Variants in STK33 observed in about 807,000 individuals in gnomAD.
The protein encoded by STK33 is serine/threonine-protein kinase 33.
STK33 carries 52 observed loss-of-function variants against 58.0 expected under a neutral mutation model. That is an observed-to-expected ratio of 0.90 (90% CI 0.72 to 1.13). The LOEUF is 1.13. Among genes scored for constraint, STK33 ranks in the 50% most tolerant of loss-of-function variants. The pLI, the probability that STK33 is intolerant of heterozygous loss-of-function variation, is 0.00. For missense variants in STK33, 630 were observed against 604.2 expected, an observed-to-expected ratio of 1.04 and a Z score of -0.45; for synonymous variants, 215 against 200.1, an observed-to-expected ratio of 1.07 and a Z score of -0.63.
chr11:8,561,554 TG>T (rs1345390722), intron 1 of STK33, among the ~76,000 whole-genome samples: 1 of 152,230 alleles, frequency 6.6e-6, no homozygotes, highest in East Asian at 1.9e-4. Context: ...CTGTGTTCTT[TG>T]AATCTGCAGA....
chr11:8,426,029 A>G (rs1942692818), intron 14 of STK33, among the ~76,000 whole-genome samples: 1 of 152,182 alleles, frequency 6.6e-6, no homozygotes, highest in South Asian at 2.1e-4. Context: ...TGTGTTAGTC[A>G]GCTCAATTAG....
intron 1 of STK33, among the ~76,000 whole-genome samples, chr11:8,516,703 C>T (rs558628521): frequency 2.0e-5 from 3 of 152,330 alleles, no homozygotes; most frequent in East Asian, 1.9e-4. Flanking sequence ...CCTGGCTTGG[C>T]GGGTCTCACA....
chr11:8,424,439 C>T (rs1166855453), intron 14 of STK33, among the ~76,000 whole-genome samples: 2 of 151,062 alleles, frequency 1.3e-5, no homozygotes, highest in South Asian at 2.1e-4. Context: ...AATAGTGCCA[C>T]AATAAACATA....
chr11:8,506,414 T>C (rs1951865746), intron 1 of STK33, among the ~76,000 whole-genome samples: 1 of 152,170 alleles, frequency 6.6e-6, no homozygotes, highest in Non-Finnish European at 1.5e-5. Flanking sequence ...GCTTAAACAA[T>C]ACAAATTCAG....
chr11:8,406,791 T>C (rs996382380), intron 15 of STK33, among the ~76,000 whole-genome samples: 4 of 152,142 alleles, frequency 2.6e-5, no homozygotes, highest in Non-Finnish European at 5.9e-5. Flanking sequence ...GTAAAGACAG[T>C]TTTATTCTTC....
Position 8,435,541 on chromosome 11 carries a change from C to A in STK33, c.1099G>T (p.Ala367Ser). Residue 367 changes from alanine to serine, a missense_variant, in exon 14 of 16, where the codon GCT becomes TCT. Ala to Ser is a moderately conservative substitution (Grantham distance 99). Coordinates refer to ENST00000687296, the MANE Select transcript of STK33 (RefSeq NM_001352389.2). ...AGTTCCTTAGCTGTGATTCTGTGAG[C>A]AGGATCTACTTTCATAAGTTGTTTC... is the stretch of plus-strand genomic sequence containing the variant. ...VLKQLMKVDP[A>S]HRITAKELLD... The A allele has an allele frequency of 6.6e-7, 1 of 1,521,316 alleles. No individual in the cohort carries two copies. Among genetic ancestry groups the A allele is most frequent in the South Asian group, 1.4e-5 (1 of 72,240 alleles). The allele number at this position is 1,521,316 out of a possible 1,614,324, so 94.2% of individuals were successfully genotyped here.
At chr11:8,403,535 G>A (rs76767535) in intron 15 of STK33, among the ~76,000 whole-genome samples, 5 of 152,274 alleles carry the variant, frequency 3.3e-5, no homozygotes, top group East Asian at 1.9e-4. Context: ...CATTCAGGAC[G>A]GTTACATCAA....
At position 8,464,390 on chromosome 11, in the gene STK33, T is replaced by C. The variant is rs187789219; in HGVS notation, c.453+319A>G. 1.9e-3 allele frequency among the ~76,000 whole-genome samples: 294 copies of C among 152,322 alleles called. 1 individual carries two copies. The highest frequency in any genetic ancestry group is 5.8e-3 in the South Asian group (28 of 4,822). Reference sequence around the variant, plus strand: ...TCTGCACTTCTAGCTAAGATATCTCTAGCCCACAGCCCTATGCCTACAGAA... The same window carrying C: ...TCTGCACTTCTAGCTAAGATATCTCCAGCCCACAGCCCTATGCCTACAGAA... On this transcript the variant is annotated intron_variant, in intron 7 of 15. Transcript: ENST00000687296.
At chr11:8,484,011 AAC>A (rs1221801944) in intron 1 of STK33, among the ~76,000 whole-genome samples, 4 of 152,228 alleles carry the variant, frequency 2.6e-5, no homozygotes, top group East Asian at 3.8e-4. Context: ...CAAGTTTCTA[AAC>A]AGTTATTCAA....
intron 15 of STK33, among the ~76,000 whole-genome samples, chr11:8,405,446 T>G (rs1007658660): frequency 6.6e-6 from 1 of 152,240 alleles, no homozygotes; most frequent in Non-Finnish European, 1.5e-5. Flanking sequence ...TATTGCAATG[T>G]AGGAGTTGTT....
At chr11:8,366,711 A>G in the STK33 span, among the ~76,000 whole-genome samples, 1 of 152,246 alleles carries the variant, frequency 6.6e-6, no homozygotes, top group Admixed American at 6.5e-5. Flanking sequence ...CCAGACCCCA[A>G]TCCTGAGCTC....
chr11:8,337,414 G>A, the STK33 span, among the ~76,000 whole-genome samples: 1 of 152,190 alleles, frequency 6.6e-6, no homozygotes, highest in African/African-American at 2.4e-5. Context: ...CTGTGGGGCT[G>A]AGGAAGGATG....
At chr11:8,542,451 G>T (rs1294466619) in intron 1 of STK33, among the ~76,000 whole-genome samples, 1 of 152,144 alleles carries the variant, frequency 6.6e-6, no homozygotes. Context: ...GCCTCCCGGG[G>T]GATGGCTGGC....
intron 2 of STK33, among the ~76,000 whole-genome samples, chr11:8,479,377 G>T (rs1319886942): frequency 6.7e-6 from 1 of 150,326 alleles, no homozygotes; most frequent in Non-Finnish European, 1.5e-5. Context: ...AGATTGCAGT[G>T]AGCCAAGATC....
At chr11:8,516,593 C>T (rs994630239) in intron 1 of STK33, among the ~76,000 whole-genome samples, 2 of 152,198 alleles carry the variant, frequency 1.3e-5, no homozygotes, top group Admixed American at 1.3e-4. Context: ...AAAGGGAAGC[C>T]GTGATAGATG....
intron 11 of STK33, among the ~76,000 whole-genome samples, chr11:8,442,065 ACAC>A (rs1294199612): frequency 2.7e-4 from 32 of 119,610 alleles, no homozygotes; most frequent in Non-Finnish European, 4.7e-4. Flanking sequence ...ACACACACAC[ACAC>A]TTTTATGACT....
At chr11:8,375,672 C>A in the STK33 span, among the ~76,000 whole-genome samples, 1 of 152,010 alleles carries the variant, frequency 6.6e-6, no homozygotes, top group African/African-American at 2.4e-5. Context: ...GGGTGGTTTC[C>A]CCCATGCTGT....
intron 1 of STK33, among the ~76,000 whole-genome samples, chr11:8,586,218 GA>G (rs142885342): frequency 0.34 from 34,889 of 101,788 alleles, 5,122 homozygotes; most frequent in African/African-American, 0.48. Flanking sequence ...TCCTATCTCG[GA>G]AAAAAAAAAA....
intron 1 of STK33, among the ~76,000 whole-genome samples, chr11:8,489,530 A>G (rs886892992): frequency 6.6e-6 from 1 of 152,162 alleles, no homozygotes; most frequent in Non-Finnish European, 1.5e-5. Flanking sequence ...TCACATGGTA[A>G]GCAAGCATGC....
Sources: allele counts gnomAD v4.1 joint callset (sites outside exome capture counted in the v4.1 genomes callset), GRCh38; gene constraint gnomAD v4.1.1; transcripts MANE v1.5; gene names NCBI Gene and HGNC (gene_info 2026-07-23, HGNC 2026-07-21).